The following HS3ST4 variants were observed in gnomAD, a reference collection of about 807,000 sequenced individuals.
The protein encoded by HS3ST4 is heparan sulfate glucosamine 3-O-sulfotransferase 4.
A neutral mutation model predicts 29.2 loss-of-function variants in HS3ST4; 17 were observed. The observed-to-expected ratio is 0.58, with a 90% CI of 0.40 to 0.87. HS3ST4 has a LOEUF of 0.87. Ranked by LOEUF, HS3ST4 falls within the 40% of genes least tolerant of loss-of-function variation. The probability of loss-of-function intolerance (pLI) is 0.00; values close to 1 mark genes in which losing one functional copy is unlikely to be tolerated. For synonymous variants in HS3ST4, 314 were observed against 285.7 expected, an observed-to-expected ratio of 1.10 and a Z score of -1.00; for missense variants, 627 against 634.5, an observed-to-expected ratio of 0.99 and a Z score of 0.13.
At chr16:26,134,327 A>ATTTTCTTTTC (rs757624599) in intron 1 of HS3ST4, among the ~76,000 whole-genome samples, 40 of 129,724 alleles carry the variant, frequency 3.1e-4, no homozygotes, top group East Asian at 2.2e-3. Flanking sequence ...TCTCAACTGA[A>ATTTTCTTTTC]TTTTCTTTTC....
chr16:25,911,813 T>C (rs1347482073), intron 1 of HS3ST4, among the ~76,000 whole-genome samples: 1 of 151,972 alleles, frequency 6.6e-6, no homozygotes, highest in Non-Finnish European at 1.5e-5. Flanking sequence ...CTGACTCGGA[T>C]TTTGTTTTTG....
chr16:25,990,467 C>G (rs1969105032), intron 1 of HS3ST4, among the ~76,000 whole-genome samples: 1 of 152,180 alleles, frequency 6.6e-6, no homozygotes, highest in Admixed American at 6.5e-5. Context: ...AGCTTTAGAA[C>G]CCAGATGTTT....
intron 1 of HS3ST4, among the ~76,000 whole-genome samples, chr16:25,765,288 A>C (rs560646399): frequency 6.6e-6 from 1 of 152,328 alleles, no homozygotes; most frequent in South Asian, 2.1e-4. Context: ...ACTCCTGTTC[A>C]GTGGGCCAAG....
rs759542604 is a variant in HS3ST4 at position 25,879,596 on chromosome 16, C to T, written c.734+186445C>T. Reference sequence around the variant, plus strand: ...ATGATTCAGTCATCTCACACTGGGTCGCTCCCACAACATGTGGGAATTATG... The same window carrying T: ...ATGATTCAGTCATCTCACACTGGGTTGCTCCCACAACATGTGGGAATTATG... On this transcript the variant is annotated intron_variant, in intron 1 of 1. Coordinates refer to ENST00000331351, the MANE Select transcript of HS3ST4 (RefSeq NM_006040.3). Among the ~76,000 whole-genome samples the T allele has an allele frequency of 3.9e-4, 60 of 152,126 alleles. 1 individual carries two copies. Among genetic ancestry groups the T allele is most frequent in the Non-Finnish European group, 2.4e-4 (16 of 68,000 alleles).
chr16:25,986,999 GC>G (rs1190823068), intron 1 of HS3ST4, among the ~76,000 whole-genome samples: 38 of 152,350 alleles, frequency 2.5e-4, no homozygotes, highest in African/African-American at 8.9e-4. Flanking sequence ...GGCTGGCAGG[GC>G]ATGGACTTCA....
chr16:25,825,063 CAG>C (rs1967201818), intron 1 of HS3ST4, among the ~76,000 whole-genome samples: 1 of 152,172 alleles, frequency 6.6e-6, no homozygotes, highest in African/African-American at 2.4e-5. Context: ...AATTTGGACA[CAG>C]ACACACTGAG....
intron 1 of HS3ST4, among the ~76,000 whole-genome samples, chr16:25,922,967 G>T (rs1462613358): frequency 6.6e-6 from 1 of 152,224 alleles, no homozygotes; most frequent in Non-Finnish European, 1.5e-5. Context: ...TGAAGGGCCT[G>T]TTGGAGCGGC....
At chr16:25,717,119 A>G (rs1444857483) in intron 1 of HS3ST4, among the ~76,000 whole-genome samples, 1 of 152,104 alleles carries the variant, frequency 6.6e-6, no homozygotes, top group African/African-American at 2.4e-5. Flanking sequence ...ACACAAATCA[A>G]CTTAAAGAAG....
chr16:26,098,692 C>A (rs928361188), intron 1 of HS3ST4, among the ~76,000 whole-genome samples: 9 of 151,806 alleles, frequency 5.9e-5, no homozygotes, highest in African/African-American at 2.2e-4. Flanking sequence ...ATGTATCAAA[C>A]CTGCATGTTG....
chr16:26,092,725 C>G (rs1471248506), intron 1 of HS3ST4, among the ~76,000 whole-genome samples: 2 of 152,180 alleles, frequency 1.3e-5, no homozygotes, highest in Admixed American at 6.5e-5. Context: ...CCTGGTTCAT[C>G]TCATTGGGAT....
At chr16:25,762,303 T>C (rs1456239347) in intron 1 of HS3ST4, among the ~76,000 whole-genome samples, 1 of 152,114 alleles carries the variant, frequency 6.6e-6, no homozygotes, top group Non-Finnish European at 1.5e-5. Flanking sequence ...GATTTGAACG[T>C]GGGTCAGTCA....
At chr16:25,776,411 G>A (rs1169955726) in intron 1 of HS3ST4, among the ~76,000 whole-genome samples, 1 of 152,134 alleles carries the variant, frequency 6.6e-6, no homozygotes, top group Non-Finnish European at 1.5e-5. Context: ...GCAACCATTT[G>A]TCTCTTATCT....
intron 1 of HS3ST4, among the ~76,000 whole-genome samples, chr16:25,794,480 C>T (rs1257563833): frequency 6.6e-6 from 1 of 150,782 alleles, no homozygotes; most frequent in Non-Finnish European, 1.5e-5. Context: ...TTTTCACTAG[C>T]GAAAAATGTT....
In HS3ST4 at chr16:25,873,416, A is replaced by ATTTG. The variant is rs759269527; in HGVS notation, c.734+180265_734+180266insTTTG. 4.5e-3 allele frequency among the ~76,000 whole-genome samples: 602 copies of ATTTG among 132,356 alleles called. 10 individuals are homozygous for ATTTG. The highest frequency in any genetic ancestry group is 7.9e-3 in the African/African-American group (274 of 34,578). 86.8% of individuals were successfully genotyped at this position (132,356 alleles called of 152,430 possible). ...CATCCATCCATCCATCCATCCATCC[A>ATTTG]CCCATCCATCCATTAATCCATCCAT... On this transcript the variant is annotated intron_variant, in intron 1 of 1. Transcript: ENST00000331351.
chr16:25,786,005 C>T (rs1386771171), intron 1 of HS3ST4, among the ~76,000 whole-genome samples: 6 of 152,024 alleles, frequency 3.9e-5, no homozygotes, highest in Admixed American at 6.6e-5. Flanking sequence ...CTCTTGAAGA[C>T]GTAGAATCAA....
At chr16:25,924,418 G>A (rs905074150) in intron 1 of HS3ST4, among the ~76,000 whole-genome samples, 2 of 152,042 alleles carry the variant, frequency 1.3e-5, no homozygotes, top group Admixed American at 6.6e-5. Context: ...CCACATCCGG[G>A]GGACCTTTCA....
rs145171716 is a variant in HS3ST4 at position 26,061,368 on chromosome 16, A to G, written c.735-74244A>G. ...CTGAACGGCGTGGTCCTGGCTTACA[A>G]TGCAGTGTTAGTCATGGCAGAGAAT... On this transcript the variant is annotated intron_variant, in intron 1 of 1. Coordinates refer to ENST00000331351, the MANE Select transcript of HS3ST4 (RefSeq NM_006040.3). 3.8e-3 allele frequency among the ~76,000 whole-genome samples: 581 copies of G among 152,322 alleles called. 4 individuals carry two copies. The highest frequency in any genetic ancestry group is 0.013 in the African/African-American group (556 of 41,576).
At chr16:25,715,315 C>G (rs924817102) in intron 1 of HS3ST4, among the ~76,000 whole-genome samples, 1 of 117,392 alleles carries the variant, frequency 8.5e-6, no homozygotes, top group Non-Finnish European at 1.6e-5. Flanking sequence ...GGCGACAGAG[C>G]GAGACTCCGT....
At chr16:26,044,984 G>T (rs934071097) in intron 1 of HS3ST4, among the ~76,000 whole-genome samples, 1 of 152,164 alleles carries the variant, frequency 6.6e-6, no homozygotes, top group African/African-American at 2.4e-5. Context: ...GCTCTCCTGG[G>T]AGACTGACTG....
Sources: allele counts gnomAD v4.1 joint callset (sites outside exome capture counted in the v4.1 genomes callset), GRCh38; gene constraint gnomAD v4.1.1; transcripts MANE v1.5; gene names NCBI Gene and HGNC (gene_info 2026-07-23, HGNC 2026-07-21).